DAAM1: variants seen among roughly 807,000 people sequenced by gnomAD.
DAAM1 encodes dishevelled associated activator of morphogenesis 1.
In DAAM1, 52 loss-of-function variants were observed where a neutral mutation model predicts 130.0. That is an observed-to-expected ratio of 0.40 (90% confidence interval 0.32 to 0.50). The LOEUF is 0.50. DAAM1 is among the 20% of genes least tolerant of loss of function. DAAM1 has a pLI of 0.61. For missense variants in DAAM1, 1,134 were observed against 1,303.8 expected, an observed-to-expected ratio of 0.87 and a Z score of 2.01; for synonymous variants, 452 against 444.5, an observed-to-expected ratio of 1.02 and a Z score of -0.21.
chr14:59,338,627 C>A (rs1470329879), intron 15 of DAAM1, among the ~76,000 whole-genome samples: 1 of 152,062 alleles, frequency 6.6e-6, no homozygotes, highest in African/African-American at 2.4e-5. Context: ...CATTTGATCA[C>A]CTAGTGCCTC....
At chr14:59,237,671 A>C (rs762659872) in intron 1 of DAAM1, among the ~76,000 whole-genome samples, 17 of 152,170 alleles carry the variant, frequency 1.1e-4, no homozygotes, top group Non-Finnish European at 1.8e-4. Context: ...ATTGCATCTA[A>C]TAAGACACTA....
At chr14:59,257,834 C>T (rs140559252) in intron 1 of DAAM1, among the ~76,000 whole-genome samples, 1 of 152,266 alleles carries the variant, frequency 6.6e-6, no homozygotes, top group Non-Finnish European at 1.5e-5. Flanking sequence ...CCCACCTGCC[C>T]TGGTCTTCAC....
rs201812971 is a variant in DAAM1, at chr14:59,331,839, C to T, written c.1887C>T (p.Thr629=). The change falls in exon 15 of 25, where the codon ACC becomes ACT. Residue 629 remains threonine (T), a synonymous_variant. Transcript: ENST00000360909. ...ACAAACTGGAAGGAACAGTATGGAC[C>T]GAAATTGATGATACAAAAGTCTTCA... is the stretch of plus-strand genomic sequence containing the variant. ...PENKLEGTVW[T]EIDDTKVFKI... is the part of the protein sequence containing the mutation. 2.7e-5 allele frequency: 44 copies of T among 1,613,946 alleles called. No homozygotes were observed. Among genetic ancestry groups the T allele is most frequent in the South Asian group, 7.7e-5 (7 of 91,072 alleles).
chr14:59,307,477 A>T (rs965107940), intron 3 of DAAM1, among the ~76,000 whole-genome samples: 6 of 152,240 alleles, frequency 3.9e-5, no homozygotes, highest in Non-Finnish European at 7.3e-5. Flanking sequence ...TTCTTTACCA[A>T]TACAGAATTT....
intron 3 of DAAM1, among the ~76,000 whole-genome samples, chr14:59,307,813 C>T (rs1431269647): frequency 6.6e-6 from 1 of 152,146 alleles, no homozygotes; most frequent in East Asian, 1.9e-4. Flanking sequence ...TCTAAAGGGA[C>T]TTAAATGTCC....
intron 23 of DAAM1, among the ~76,000 whole-genome samples, chr14:59,365,421 A>G (rs1160776981): frequency 6.6e-6 from 1 of 152,172 alleles, no homozygotes; most frequent in African/African-American, 2.4e-5. Flanking sequence ...AACACTATAT[A>G]TGGCGTCTGA....
At chr14:59,192,535 G>A (rs558211503) in intron 1 of DAAM1, among the ~76,000 whole-genome samples, 9 of 152,172 alleles carry the variant, frequency 5.9e-5, no homozygotes, top group African/African-American at 1.7e-4. Context: ...TTATATTGCC[G>A]GAAACAAAGC....
intron 15 of DAAM1, chr14:59,338,478 C>T: frequency 1.3e-6 from 2 of 1,568,078 alleles, no homozygotes; most frequent in Non-Finnish European, 1.8e-6. Flanking sequence ...AGCTTGAAAT[C>T]TCTTCGTTAT....
At chr14:59,272,643 A>ATATGTATGTATG (rs61227619) in intron 2 of DAAM1, among the ~76,000 whole-genome samples, 7,113 of 145,632 alleles carry the variant, frequency 0.049, 271 homozygotes, top group Non-Finnish European at 0.075. Flanking sequence ...ACACACATAT[A>ATATGTATGTATG]TATGTATGTA....
rs148145886 is a variant in DAAM1 at position 59,214,160 on chromosome 14, A to G, written c.-38+25392A>G. 4.4e-3 allele frequency among the ~76,000 whole-genome samples: 670 copies of G among 152,348 alleles called. 3 individuals are homozygous for G. Among genetic ancestry groups the G allele is most frequent in the African/African-American group, 0.015 (643 of 41,580 alleles). On this transcript the variant is annotated intron_variant, in intron 1 of 24. Transcript: ENST00000360909. ...GAAGATTGGGGCTGTAGCTGATTCA[A>G]GATAACTGGAGCAGGTGTCTGGTGA...
At chr14:59,215,591 C>G (rs766084575) in intron 1 of DAAM1, among the ~76,000 whole-genome samples, 1 of 152,132 alleles carries the variant, frequency 6.6e-6, no homozygotes, top group Non-Finnish European at 1.5e-5. Context: ...TTTGCCCTGT[C>G]GGAGCTCAGG....
chr14:59,364,439 C>T (rs1886833498), intron 23 of DAAM1, among the ~76,000 whole-genome samples: 1 of 152,066 alleles, frequency 6.6e-6, no homozygotes, highest in South Asian at 2.1e-4. Flanking sequence ...CCTCTTAGCT[C>T]CCTCAGCTTC....
intron 3 of DAAM1, among the ~76,000 whole-genome samples, chr14:59,312,939 G>A (rs1464189167): frequency 6.6e-6 from 1 of 152,222 alleles, no homozygotes; most frequent in African/African-American, 2.4e-5. Context: ...TGCAGGCTGA[G>A]AGCAAGAAGT....
intron 1 of DAAM1, among the ~76,000 whole-genome samples, chr14:59,236,969 C>T (rs1440510879): frequency 6.6e-6 from 1 of 152,124 alleles, no homozygotes. Flanking sequence ...GAGACAACTA[C>T]TCGGAAAGCA....
At chr14:59,308,319 A>G (rs181922829) in intron 3 of DAAM1, among the ~76,000 whole-genome samples, 3 of 152,350 alleles carry the variant, frequency 2.0e-5, no homozygotes, top group Admixed American at 2.0e-4. Flanking sequence ...TTATATGGCC[A>G]GTAGAGAATT....
chr14:59,367,739 T>C (rs947593850), intron 24 of DAAM1, 140 bp downstream of exon 24: 15 of 1,180,686 alleles, frequency 1.3e-5, no homozygotes, highest in African/African-American at 1.5e-5. Context: ...GGACTTTACA[T>C]TGGTGTTGTT....
intron 22 of DAAM1, chr14:59,363,293 G>A (rs10140846): frequency 8.0e-4 from 150 of 188,454 alleles, no homozygotes; most frequent in Middle Eastern, 4.5e-3. Context: ...AGAGTCTCTT[G>A]TTTTCACTCA....
At chr14:59,303,374 A>G (rs555478331) in intron 3 of DAAM1, among the ~76,000 whole-genome samples, 275 of 152,202 alleles carry the variant, frequency 1.8e-3, no homozygotes, top group South Asian at 3.5e-3. Context: ...GGTTACCACC[A>G]CCCCAGTGGT....
At chr14:59,316,416 C>CT (rs1160108432) in intron 4 of DAAM1, among the ~76,000 whole-genome samples, 2 of 152,100 alleles carry the variant, frequency 1.3e-5, no homozygotes, top group Non-Finnish European at 2.9e-5. Context: ...GTAACTTCCT[C>CT]TTTTTTAGCT....
Sources: allele counts gnomAD v4.1 joint callset (sites outside exome capture counted in the v4.1 genomes callset), GRCh38; gene constraint gnomAD v4.1.1; transcripts MANE v1.5; gene names NCBI Gene and HGNC (gene_info 2026-07-23, HGNC 2026-07-21).